EPHA6: variants seen among roughly 807,000 people sequenced by gnomAD.
The protein encoded by EPHA6 is EPH receptor A6.
EPHA6 carries 50 observed loss-of-function variants against 112.0 expected under a neutral mutation model. The ratio of observed to expected loss-of-function variants is 0.45; its 90% CI spans 0.36 to 0.56. The LOEUF (loss-of-function observed/expected upper bound fraction) is 0.56, where lower values mean the gene tolerates loss of function less well. EPHA6 is among the 20% of genes least tolerant of loss of function. EPHA6 has a pLI of 0.00. For missense variants in EPHA6, 1,280 were observed against 1,417.4 expected (o/e 0.90, Z 1.56); for synonymous variants, 529 against 490.7 (o/e 1.08, Z -1.03).
intron 10 of EPHA6, among the ~76,000 whole-genome samples, chr3:97,513,877 A>G (rs1414033040): frequency 6.6e-6 from 1 of 152,176 alleles, no homozygotes; most frequent in African/African-American, 2.4e-5. Flanking sequence ...TTTAAATTTC[A>G]CAATGCACTG....
At chr3:97,213,296 A>G (rs556012285) in intron 3 of EPHA6, among the ~76,000 whole-genome samples, 3 of 152,200 alleles carry the variant, frequency 2.0e-5, no homozygotes, top group Non-Finnish European at 4.4e-5. Context: ...AGAAAAAGAA[A>G]CATAATGGAG....
rs1312629131 is a variant in EPHA6, at chr3:97,488,031, C to CCTACTA, written c.2200+3975_2200+3976insCTACTA. Reference sequence around the variant, plus strand: ...GTCCCTCTTTCAGGGTACTACTAAACCTAAACCAGTATAAGAACAACTTGC... The same window carrying CCTACTA: ...GTCCCTCTTTCAGGGTACTACTAAACCTACTACTAAACCAGTATAAGAACAACTTGC... On this transcript the variant is annotated intron_variant, in intron 10 of 17. Coordinates refer to ENST00000389672, the MANE Select transcript of EPHA6 (RefSeq NM_001080448.3). Among the ~76,000 whole-genome samples, 8 of 152,252 alleles carry CCTACTA rather than the reference C, an allele frequency of 5.3e-5. No homozygotes were observed. The South Asian group carries it at 1.7e-3, about 32-fold the overall frequency.
chr3:96,945,249 G>C (rs72916455), intron 2 of EPHA6, among the ~76,000 whole-genome samples: 2,387 of 152,158 alleles, frequency 0.016, 63 homozygotes, highest in African/African-American at 0.048. Flanking sequence ...TGCATTTTCT[G>C]ATTCCATATT....
intron 6 of EPHA6, among the ~76,000 whole-genome samples, chr3:97,410,496 G>A (rs944488754): frequency 2.6e-5 from 4 of 151,966 alleles, no homozygotes; most frequent in East Asian, 3.9e-4. Flanking sequence ...TTTAGGTACA[G>A]AAACACATCT....
Position 97,668,911 on chromosome 3 carries a change from CAAAAAAAAAAAAAAAAAAA to C in EPHA6, c.2784+30844_2784+30862del, listed in dbSNP as rs397990599. Among the ~76,000 whole-genome samples the C allele has an allele frequency of 8.1e-4, 26 of 31,916 alleles. 2 individuals are homozygous for C. The East Asian group carries it at 0.037, about 45-fold the overall frequency. 20.9% of individuals were successfully genotyped at this position (31,916 alleles called of 152,430 possible). On this transcript the variant is annotated intron_variant, in intron 14 of 17. Transcript: ENST00000389672. ...TGTGTGACAGAGTGAGACTCTGTCT[CAAAAAAAAAAAAAAAAAAA>C]AAAAAAAAAAAAAATCCACTAAGTC...
intron 2 of EPHA6, among the ~76,000 whole-genome samples, chr3:96,924,777 A>G (rs995426430): frequency 2.0e-5 from 3 of 152,124 alleles, no homozygotes; most frequent in Non-Finnish European, 2.9e-5. Flanking sequence ...TGGGCTTGTC[A>G]TATATGGCTC....
intron 3 of EPHA6, among the ~76,000 whole-genome samples, chr3:97,170,141 A>C (rs1465983836): frequency 6.6e-6 from 1 of 152,074 alleles, no homozygotes; most frequent in East Asian, 1.9e-4. Flanking sequence ...AAAAAGCCAA[A>C]ATAGAAGGAA....
At chr3:96,949,581 G>A (rs1421999815) in intron 2 of EPHA6, among the ~76,000 whole-genome samples, 1 of 152,002 alleles carries the variant, frequency 6.6e-6, no homozygotes, top group African/African-American at 2.4e-5. Context: ...TAAATAATAA[G>A]GATTGTAAGC....
At chr3:97,271,935 A>C (rs1257093884) in intron 5 of EPHA6, among the ~76,000 whole-genome samples, 1 of 151,306 alleles carries the variant, frequency 6.6e-6, no homozygotes, top group African/African-American at 2.4e-5. Flanking sequence ...GATGGGGGAA[A>C]GGTTAAGAGC....
chr3:97,256,101 A>G (rs1257760234), intron 5 of EPHA6, among the ~76,000 whole-genome samples: 2 of 152,160 alleles, frequency 1.3e-5, no homozygotes, highest in African/African-American at 4.8e-5. Flanking sequence ...GACCCGTCAA[A>G]GCAGAGATCC....
At chr3:97,013,799 A>G (rs1310676662) in intron 3 of EPHA6, among the ~76,000 whole-genome samples, 2 of 152,124 alleles carry the variant, frequency 1.3e-5, no homozygotes, top group Non-Finnish European at 2.9e-5. Flanking sequence ...ATAAACAAGA[A>G]CCTTTGTTTT....
intron 3 of EPHA6, among the ~76,000 whole-genome samples, chr3:97,005,171 A>C (rs1274746733): frequency 6.6e-6 from 1 of 152,084 alleles, no homozygotes; most frequent in African/African-American, 2.4e-5. Flanking sequence ...TGGTAGTCTG[A>C]TGGGAATAGC....
intron 5 of EPHA6, among the ~76,000 whole-genome samples, chr3:97,402,973 C>A (rs1055999135): frequency 6.6e-6 from 1 of 151,982 alleles, no homozygotes; most frequent in East Asian, 1.9e-4. Flanking sequence ...AAATCTAATT[C>A]TCACCTGTGA....
intron 6 of EPHA6, among the ~76,000 whole-genome samples, chr3:97,431,287 AAAG>A (rs1559998309): frequency 1.3e-5 from 2 of 152,170 alleles, no homozygotes; most frequent in Non-Finnish European, 1.5e-5. Flanking sequence ...TTAATTGAAA[AAAG>A]TAAAAATTGA....
At chr3:97,526,855 G>A (rs1188533641) in intron 10 of EPHA6, among the ~76,000 whole-genome samples, 1 of 151,824 alleles carries the variant, frequency 6.6e-6, no homozygotes, top group African/African-American at 2.4e-5. Flanking sequence ...ACAGTCTAAT[G>A]GCACAGATGG....
intron 3 of EPHA6, among the ~76,000 whole-genome samples, chr3:97,046,120 G>A (rs1029721540): frequency 6.6e-6 from 1 of 152,048 alleles, no homozygotes; most frequent in Non-Finnish European, 1.5e-5. Flanking sequence ...CTTTACACAA[G>A]GGTAGTATAA....
intron 5 of EPHA6, among the ~76,000 whole-genome samples, chr3:97,250,411 A>T (rs570109552): frequency 6.6e-6 from 1 of 152,332 alleles, no homozygotes; most frequent in South Asian, 2.1e-4. Flanking sequence ...TCTCATTTGC[A>T]CATTTTGCAG....
Position 97,405,286 on chromosome 3 carries a change from T to C in EPHA6, c.1731+12T>C. On this transcript the variant is annotated intron_variant, in intron 6 of 17. Coordinates refer to ENST00000389672, the MANE Select transcript of EPHA6 (RefSeq NM_001080448.3). ...AGTACTATGAGAAAGTAGGTCTTATTTGGAGCTTCCTATAAAACTACATAT... is the reference window on the plus strand; with the variant it reads ...AGTACTATGAGAAAGTAGGTCTTATCTGGAGCTTCCTATAAAACTACATAT... 6.2e-7 allele frequency: 1 copy of C among 1,608,962 alleles called. No homozygotes were observed. Among genetic ancestry groups the C allele is most frequent in the Non-Finnish European group, 8.5e-7 (1 of 1,176,934 alleles).
chr3:97,613,448 C>T (rs1433170165), intron 13 of EPHA6, among the ~76,000 whole-genome samples: 1 of 152,060 alleles, frequency 6.6e-6, no homozygotes, highest in Non-Finnish European at 1.5e-5. Flanking sequence ...TTGAAAACTG[C>T]TTCAATTTGT....
Sources: allele counts gnomAD v4.1 joint callset (sites outside exome capture counted in the v4.1 genomes callset), GRCh38; gene constraint gnomAD v4.1.1; transcripts MANE v1.5; gene names NCBI Gene and HGNC (gene_info 2026-07-23, HGNC 2026-07-21).